KIF21A: variants seen among roughly 807,000 people sequenced by gnomAD.
KIF21A encodes kinesin-like protein KIF21A.
A neutral mutation model predicts 202.9 loss-of-function variants in KIF21A; 114 were observed. That is an observed-to-expected ratio of 0.56 (90% CI 0.48 to 0.66). The LOEUF (loss-of-function observed/expected upper bound fraction) is 0.66, where lower values mean the gene tolerates loss of function less well. KIF21A is among the 30% of genes least tolerant of loss of function. The pLI is 0.00. For missense variants in KIF21A, 1,677 were observed against 1,994.9 expected, an observed-to-expected ratio of 0.84 and a Z score of 3.04; for synonymous variants, 667 against 670.8, an observed-to-expected ratio of 0.99 and a Z score of 0.09.
chr12:39,303,530 G>T (rs557698679), intron 35 of KIF21A, among the ~76,000 whole-genome samples: 1 of 152,210 alleles, frequency 6.6e-6, no homozygotes, highest in African/African-American at 2.4e-5. Flanking sequence ...AATTAACCTG[G>T]CATGAATGAC....
intron 22 of KIF21A, 46 bp downstream of exon 22, chr12:39,331,644 A>C (rs1297292506): frequency 8.3e-7 from 1 of 1,209,876 alleles, no homozygotes; most frequent in Non-Finnish European, 1.2e-6. Flanking sequence ...ACTACAATGA[A>C]TTAGTCAAAA....
chr12:39,313,481 T>C (rs753778276), intron 31 of KIF21A, among the ~76,000 whole-genome samples: 1 of 151,894 alleles, frequency 6.6e-6, no homozygotes, highest in Non-Finnish European at 1.5e-5. Flanking sequence ...CAATAAGACT[T>C]TTAAATGATA....
chr12:39,416,605 A>ATATATAGATGTACATATATATGTG (rs1953620394), intron 1 of KIF21A, among the ~76,000 whole-genome samples: 1 of 117,438 alleles, frequency 8.5e-6, no homozygotes, highest in Non-Finnish European at 1.7e-5. Context: ...AAATATACAT[A>ATATATAGATGTACATATATATGTG]TATATATATA....
At chr12:39,427,012 T>C (rs1279728007) in intron 1 of KIF21A, among the ~76,000 whole-genome samples, 1 of 152,222 alleles carries the variant, frequency 6.6e-6, no homozygotes, top group Non-Finnish European at 1.5e-5. Context: ...TACTTCATTT[T>C]TGGCATGTTT....
intron 1 of KIF21A, among the ~76,000 whole-genome samples, chr12:39,420,950 A>AT: frequency 6.6e-6 from 1 of 152,314 alleles, no homozygotes; most frequent in South Asian, 2.1e-4. Context: ...TTAACAAAAA[A>AT]AAAAATAAAG....
chr12:39,361,672 A>T (rs1949239405), intron 7 of KIF21A, among the ~76,000 whole-genome samples: 1 of 150,284 alleles, frequency 6.7e-6, no homozygotes, highest in East Asian at 2.0e-4. Context: ...CGCCTGGCTA[A>T]TTTTTTTGTA....
In KIF21A at chr12:39,368,098, A is replaced by T. The variant is rs974784990; in HGVS notation, c.451-66T>A. On this transcript the variant is annotated intron_variant, in intron 3 of 37. Transcript: ENST00000361418. ...GTCTGGGTAGTTGTCATAACAACAC[A>T]TTACATAATGATTCCTTCATACAGA... The T allele has an allele frequency of 5.5e-5, 52 of 950,708 alleles. 1 individual carries two copies. Among genetic ancestry groups the T allele is most frequent in the Non-Finnish European group, 8.5e-5 (51 of 601,652 alleles). The allele number at this position is 950,708 out of a possible 1,614,324, so 58.9% of individuals were successfully genotyped here. A position where few individuals can be genotyped will look rare whatever the true frequency, so the allele number is the denominator to read the frequency against.
chr12:39,381,720 G>A (rs1950627782), intron 1 of KIF21A, among the ~76,000 whole-genome samples: 1 of 152,148 alleles, frequency 6.6e-6, no homozygotes, highest in African/African-American at 2.4e-5. Flanking sequence ...GATCCCCAAT[G>A]ATCCACACTC....
intron 1 of KIF21A, among the ~76,000 whole-genome samples, chr12:39,436,425 TATA>T (rs1938716041): frequency 9.1e-6 from 1 of 109,882 alleles, no homozygotes; most frequent in African/African-American, 4.3e-5. Flanking sequence ...TACTATATTA[TATA>T]TATATATATA....
chr12:39,420,426 T>A (rs935871205), intron 1 of KIF21A, among the ~76,000 whole-genome samples: 1 of 151,874 alleles, frequency 6.6e-6, no homozygotes, highest in Non-Finnish European at 1.5e-5. Context: ...GGCCAGCTAA[T>A]GAAAGCAAAA....
chr12:39,361,564 C>G (rs1477066709), intron 7 of KIF21A, among the ~76,000 whole-genome samples: 3 of 116,606 alleles, frequency 2.6e-5, no homozygotes, highest in Non-Finnish European at 5.2e-5. Flanking sequence ...CTCTGTCTCC[C>G]AGGATGGAGT....
chr12:39,416,799 GTACATATATATGTGTGTAT>G (rs1953763337), intron 1 of KIF21A, among the ~76,000 whole-genome samples: 5 of 106,734 alleles, frequency 4.7e-5, no homozygotes, highest in Non-Finnish European at 9.0e-5. Context: ...GTATATATAT[GTACATATATATGTGTGTAT>G]ATATGTACAT....
At chr12:39,308,321 C>T (rs1426455610) in intron 33 of KIF21A, among the ~76,000 whole-genome samples, 3 of 150,780 alleles carry the variant, frequency 2.0e-5, no homozygotes, top group Non-Finnish European at 3.0e-5. Flanking sequence ...CTGGGAGGTG[C>T]GGATGGCAGT....
chr12:39,426,452 G>A (rs1168023739), intron 1 of KIF21A, among the ~76,000 whole-genome samples: 1 of 152,138 alleles, frequency 6.6e-6, no homozygotes, highest in African/African-American at 2.4e-5. Flanking sequence ...AAAATGGAAT[G>A]AGCATGGAAA....
In KIF21A at chr12:39,340,895, A is replaced by G; in HGVS notation, c.2110+11T>C. On this transcript the variant is annotated intron_variant, in intron 15 of 37. Transcript: ENST00000361418. ...GCTTGAACTTTCATTTGAATTAAATATAATTCTTACCTAAGTTTTGAAGCA... is the reference window on the plus strand; with the variant it reads ...GCTTGAACTTTCATTTGAATTAAATGTAATTCTTACCTAAGTTTTGAAGCA... The G allele has an allele frequency of 1.3e-6, 2 of 1,576,232 alleles. No homozygotes were observed.
intron 23 of KIF21A, 107 bp downstream of exon 23, chr12:39,330,639 T>G (rs1946428867): frequency 1.1e-6 from 1 of 922,684 alleles, no homozygotes; most frequent in South Asian, 1.4e-5. Flanking sequence ...CATGAGTAAA[T>G]ATAGCATCTA....
intron 13 of KIF21A, 117 bp from the exon 14 acceptor site, chr12:39,341,739 C>T (rs79940588): frequency 1.8e-5 from 21 of 1,136,434 alleles, no homozygotes; most frequent in Non-Finnish European, 2.4e-5. Flanking sequence ...CACTTGTCAT[C>T]AGTATAAAAA....
intron 29 of KIF21A, 68 bp from the exon 30 acceptor site, chr12:39,316,038 G>T: frequency 1.9e-6 from 2 of 1,072,260 alleles, no homozygotes; most frequent in Non-Finnish European, 2.9e-6. Flanking sequence ...CACTGACTTT[G>T]GACTCAAAAT....
intron 7 of KIF21A, among the ~76,000 whole-genome samples, chr12:39,358,725 T>A (rs1013390292): frequency 1.3e-5 from 2 of 152,338 alleles, no homozygotes; most frequent in South Asian, 4.1e-4. Context: ...TTATTTATTC[T>A]TTCAGTATTT....
Sources: allele counts gnomAD v4.1 joint callset (sites outside exome capture counted in the v4.1 genomes callset), GRCh38; gene constraint gnomAD v4.1.1; transcripts MANE v1.5; gene names NCBI Gene and HGNC (gene_info 2026-07-23, HGNC 2026-07-21).